Variants in LPP observed in about 807,000 individuals in gnomAD.
LPP encodes lipoma-preferred partner.
A neutral mutation model predicts 60.4 loss-of-function variants in LPP; 38 were observed. That is an observed-to-expected ratio of 0.63 (90% CI 0.49 to 0.83). The LOEUF (loss-of-function observed/expected upper bound fraction) is 0.83, where lower values mean the gene tolerates loss of function less well. Ranked by LOEUF, LPP falls within the 40% of genes least tolerant of loss-of-function variation. The pLI is 0.00. For missense variants in LPP, 902 were observed against 783.6 expected (o/e 1.15, Z -1.80); for synonymous variants, 328 against 290.8 (o/e 1.13, Z -1.30).
intron 2 of LPP, among the ~76,000 whole-genome samples, chr3:188,236,055 T>G (rs1721800628): frequency 6.6e-6 from 1 of 152,084 alleles, no homozygotes; most frequent in African/African-American, 2.4e-5. Context: ...CTAGACACTA[T>G]TCCAGGTGAT....
chr3:188,178,841 C>G (rs1180161236), intron 1 of LPP: 2 of 191,802 alleles, frequency 1.0e-5, no homozygotes, highest in African/African-American at 4.7e-5. Context: ...TATTGTAATA[C>G]TGGTCTCTGT....
At chr3:188,520,600 T>G (rs1421517403) in intron 5 of LPP, among the ~76,000 whole-genome samples, 4 of 152,218 alleles carry the variant, frequency 2.6e-5, no homozygotes, top group Non-Finnish European at 5.9e-5. Flanking sequence ...CCTTCTCTGC[T>G]TAACTCCTTC....
chr3:188,822,434 A>T (rs1352907502), intron 9 of LPP, among the ~76,000 whole-genome samples: 1 of 152,072 alleles, frequency 6.6e-6, no homozygotes, highest in Non-Finnish European at 1.5e-5. Flanking sequence ...TTCCAGTGTG[A>T]TTTGGGTCAC....
intron 2 of LPP, among the ~76,000 whole-genome samples, chr3:188,313,647 A>AT (rs1232108753): frequency 2.0e-5 from 3 of 150,570 alleles, no homozygotes; most frequent in African/African-American, 7.4e-5. Flanking sequence ...AAAAAAAAAA[A>AT]AAAATAAAAT....
intron 3 of LPP, among the ~76,000 whole-genome samples, chr3:188,395,693 G>A (rs1780772776): frequency 6.6e-6 from 1 of 152,160 alleles, no homozygotes; most frequent in African/African-American, 2.4e-5. Flanking sequence ...TGGGAGGCCA[G>A]GGTGAGAGCA....
chr3:188,488,389 G>T (rs887881297), intron 5 of LPP, among the ~76,000 whole-genome samples: 1 of 127,468 alleles, frequency 7.8e-6, no homozygotes, highest in Non-Finnish European at 1.9e-5. Context: ...GATGCAACTT[G>T]GAAAACAGGG....
intron 8 of LPP, 170 bp downstream of exon 8, chr3:188,708,563 C>G: frequency 1.2e-6 from 1 of 860,248 alleles, no homozygotes; most frequent in African/African-American, 1.7e-5. Context: ...ATTTGCAAGA[C>G]TGCCATAGAT....
At chr3:188,742,005 C>G (rs1334963694) in intron 8 of LPP, among the ~76,000 whole-genome samples, 1 of 152,024 alleles carries the variant, frequency 6.6e-6, no homozygotes, top group Non-Finnish European at 1.5e-5. Flanking sequence ...TAGATTTGAA[C>G]AGGTACTTCT....
At chr3:188,613,254 A>G (rs1224921470) in intron 7 of LPP, among the ~76,000 whole-genome samples, 1 of 146,496 alleles carries the variant, frequency 6.8e-6, no homozygotes, top group Non-Finnish European at 1.5e-5. Flanking sequence ...ATATATCTAT[A>G]TCTATACCTA....
chr3:188,159,491 C>T (rs1717539830), intron 1 of LPP, among the ~76,000 whole-genome samples: 1 of 152,186 alleles, frequency 6.6e-6, no homozygotes, highest in Non-Finnish European at 1.5e-5. Context: ...GTGTCTGCCT[C>T]CTCTCCACTT....
At chr3:188,392,906 A>T (rs1780040231) in intron 3 of LPP, among the ~76,000 whole-genome samples, 5 of 152,172 alleles carry the variant, frequency 3.3e-5, no homozygotes. Context: ...CCTTCACTGA[A>T]TTCTTCTGAC....
intron 1 of LPP, among the ~76,000 whole-genome samples, chr3:188,224,350 A>G (rs1372490858): frequency 1.3e-5 from 2 of 152,340 alleles, no homozygotes; most frequent in African/African-American, 4.8e-5. Flanking sequence ...TGAAATGGGC[A>G]TGGTAGTTTC....
chr3:188,667,007 ACTTT>A (rs1410386104), intron 7 of LPP, among the ~76,000 whole-genome samples: 2 of 152,240 alleles, frequency 1.3e-5, no homozygotes, highest in Non-Finnish European at 2.9e-5. Context: ...AAAAGTTATC[ACTTT>A]CTTAAGATTT....
intron 8 of LPP, among the ~76,000 whole-genome samples, chr3:188,727,023 G>A (rs932888243): frequency 3.3e-5 from 5 of 152,166 alleles, no homozygotes; most frequent in African/African-American, 7.2e-5. Context: ...GAGCAAGGAA[G>A]TCAGTTATTC....
rs368980722 is a variant in LPP, at chr3:188,609,540, G to C, written c.809G>C (p.Gly270Ala). 3.1e-6 allele frequency: 5 copies of C among 1,614,024 alleles called. No homozygotes were observed. The highest frequency in any genetic ancestry group is 4.2e-6 in the Non-Finnish European group (5 of 1,180,042). The change falls in exon 7 of 12, where the codon GGC becomes GCC. Residue 270 changes from glycine to alanine, a missense_variant. Transcript: ENST00000617246. This position sits in a 1 kb window ranked among gnomAD's most constrained non-coding sequence, Gnocchi z 6.9. The part of the protein sequence containing the change: ...GQCPPPSTRG[G>A]MDYAYIPPPG... ...TGTCCACCTCCTTCAACACGGGGAG[G>C]CATGGATTATGCCTACATTCCACCA...
rs1273088085 is a variant in LPP, at chr3:188,549,215, C to A, written c.429+24428C>A. On this transcript the variant is annotated intron_variant, in intron 6 of 11. Coordinates refer to ENST00000617246, the MANE Select transcript of LPP (RefSeq NM_001375462.1). ...GATAGTTTAACAGAAGTCTGTATAG[C>A]CTTGTTGTATTTTAATCATTTTATC... Among the ~76,000 whole-genome samples the A allele has an allele frequency of 3.9e-5, 6 of 152,066 alleles. No homozygotes were observed. In the East Asian group the frequency reaches 1.2e-3, roughly 29 times the overall value.
chr3:188,623,027 T>TA (rs747020083), intron 7 of LPP, among the ~76,000 whole-genome samples: 1,878 of 79,460 alleles, frequency 0.024, 42 homozygotes, highest in African/African-American at 0.066. Flanking sequence ...GACTCCATCT[T>TA]AAAAAAAAAA....
At chr3:188,418,059 A>C (rs1483234496) in intron 4 of LPP, among the ~76,000 whole-genome samples, 3 of 152,162 alleles carry the variant, frequency 2.0e-5, no homozygotes, top group African/African-American at 7.2e-5. Context: ...AATGTGAATA[A>C]ATTTTAGAGC....
intron 5 of LPP, among the ~76,000 whole-genome samples, chr3:188,520,105 A>G (rs1818457839): frequency 6.6e-6 from 1 of 152,198 alleles, no homozygotes; most frequent in African/African-American, 2.4e-5. Flanking sequence ...AGCACTTATT[A>G]TGATTTGTCA....
Sources: gnomAD v4.1 joint callset for allele counts (sites outside exome capture counted in the v4.1 genomes callset) on GRCh38, gnomAD v4.1.1 for gene constraint, Gnocchi (gnomAD v3.1) non-coding constraint, MANE v1.5 for transcripts, NCBI Gene and HGNC (gene_info 2026-07-23, HGNC 2026-07-21) for gene names.